The following SH3D19 variants were observed in gnomAD, a reference collection of about 807,000 sequenced individuals.
SH3D19 encodes the protein SH3 domain containing 19.
In SH3D19, 58 loss-of-function variants were observed where a neutral mutation model predicts 112.1. The ratio of observed to expected loss-of-function variants is 0.52; its 90% CI spans 0.42 to 0.64. SH3D19 has a LOEUF of 0.64. Ranked by LOEUF, SH3D19 falls within the 30% of genes least tolerant of loss-of-function variation. The probability of loss-of-function intolerance (pLI) is 0.00; values close to 1 mark genes in which losing one functional copy is unlikely to be tolerated. For synonymous variants in SH3D19, 391 were observed against 448.5 expected (o/e 0.87, Z 1.62); for missense variants, 1,090 against 1,263.4 (o/e 0.86, Z 2.08).
At chr4:151,256,694 G>GTTTTT (rs70941490) in intron 1 of SH3D19, among the ~76,000 whole-genome samples, 1 of 134,294 alleles carries the variant, frequency 7.4e-6, no homozygotes, top group Non-Finnish European at 1.6e-5. Flanking sequence ...TTGTTTTGTT[G>GTTTTT]TTTTTTTTTT....
chr4:151,229,199 A>G (rs183961980), intron 1 of SH3D19, among the ~76,000 whole-genome samples: 44 of 152,188 alleles, frequency 2.9e-4, no homozygotes, highest in African/African-American at 9.2e-4. Context: ...CTAATTTTCA[A>G]ATTAATTGGG....
intron 1 of SH3D19, among the ~76,000 whole-genome samples, chr4:151,288,575 C>T (rs1380743330): frequency 6.6e-6 from 1 of 151,782 alleles, no homozygotes; most frequent in Admixed American, 6.6e-5. Context: ...GGTGAAACCT[C>T]GTCTCTACTA....
chr4:151,204,764 C>T (rs1176261925), intron 2 of SH3D19, among the ~76,000 whole-genome samples: 1 of 152,194 alleles, frequency 6.6e-6, no homozygotes, highest in Non-Finnish European at 1.5e-5. Flanking sequence ...ATATTTTTAA[C>T]AATCATTATT....
intron 1 of SH3D19, among the ~76,000 whole-genome samples, chr4:151,261,794 T>C (rs1580350474): frequency 6.6e-6 from 1 of 152,206 alleles, no homozygotes; most frequent in Admixed American, 6.5e-5. Context: ...GTAATGAATT[T>C]AGAGATAGGA....
At chr4:151,291,269 G>A (rs1397611319) in intron 1 of SH3D19, 5 of 1,613,842 alleles carry the variant, frequency 3.1e-6, no homozygotes, top group East Asian at 2.2e-5. Flanking sequence ...ACTATTTCAA[G>A]AGCCAACAAT....
In SH3D19 at chr4:151,143,916, T is replaced by C. The variant is rs1357164473; in HGVS notation, c.2217A>G (p.Arg739=). 1.2e-6 allele frequency: 2 copies of C among 1,612,794 alleles called. No homozygotes were observed. Among genetic ancestry groups the C allele is most frequent in the Admixed American group, 1.7e-5 (1 of 59,688 alleles). Residue 739 remains arginine, a synonymous_variant, in exon 12 of 20, where the codon AGA becomes AGG. Coordinates refer to ENST00000604030, the MANE Select transcript of SH3D19 (RefSeq NM_001378122.1). ...ITPLDEHLRS[R]PNDPSHAQKP... Reference sequence around the variant, plus strand: ...AACAATATTAATTCCTTACGTTTGGTCTGCTTCTAAGATGTTCATCAAGTG... The same window carrying C: ...AACAATATTAATTCCTTACGTTTGGCCTGCTTCTAAGATGTTCATCAAGTG...
intron 2 of SH3D19, among the ~76,000 whole-genome samples, chr4:151,191,004 AC>A (rs1273479098): frequency 6.6e-6 from 1 of 152,174 alleles, no homozygotes; most frequent in Non-Finnish European, 1.5e-5. Context: ...GACCATGGGA[AC>A]CCACCTCTTG....
intron 1 of SH3D19, among the ~76,000 whole-genome samples, chr4:151,312,207 G>A (rs1239363874): frequency 6.6e-6 from 1 of 151,782 alleles, no homozygotes; most frequent in Non-Finnish European, 1.5e-5. Flanking sequence ...GAAAAAGGGG[G>A]AAAAAAGAAA....
At chr4:151,186,143 T>G (rs1761739801) in intron 3 of SH3D19, among the ~76,000 whole-genome samples, 1 of 152,192 alleles carries the variant, frequency 6.6e-6, no homozygotes, top group South Asian at 2.1e-4. Context: ...AATCCTATCT[T>G]TATCCTTTTC....
chr4:151,205,695 C>A (rs906258099), intron 2 of SH3D19, among the ~76,000 whole-genome samples: 3 of 152,164 alleles, frequency 2.0e-5, no homozygotes, highest in Non-Finnish European at 4.4e-5. Context: ...AGTAAGGGAG[C>A]TGGACTTGAT....
At chr4:151,220,940 G>A (rs1878796) in intron 2 of SH3D19, among the ~76,000 whole-genome samples, 125,198 of 152,172 alleles carry the variant, frequency 0.82, 53,348 homozygotes, top group Non-Finnish European at 0.95. Flanking sequence ...GTTTAAACTA[G>A]TAAGGTTGAG....
chr4:151,237,624 T>C (rs989416503), intron 1 of SH3D19, among the ~76,000 whole-genome samples: 1 of 152,146 alleles, frequency 6.6e-6, no homozygotes, highest in Admixed American at 6.5e-5. Context: ...TGGGGAATAA[T>C]AGCAATACTC....
chr4:151,162,230 A>C (rs1287697681), intron 8 of SH3D19, among the ~76,000 whole-genome samples: 1 of 149,224 alleles, frequency 6.7e-6, no homozygotes, highest in Non-Finnish European at 1.5e-5. Context: ...ACTCCCACTT[A>C]TGAGTGAGAA....
At chr4:151,248,821 A>T (rs1318653024) in intron 1 of SH3D19, among the ~76,000 whole-genome samples, 1 of 152,140 alleles carries the variant, frequency 6.6e-6, no homozygotes, top group African/African-American at 2.4e-5. Context: ...ACAAAACAAA[A>T]CAAAACAAAA....
intron 9 of SH3D19, among the ~76,000 whole-genome samples, chr4:151,150,184 C>CAAAAAAAAAA (rs759365990): frequency 4.2e-4 from 3 of 7,200 alleles, no homozygotes; most frequent in Non-Finnish European, 7.2e-4. Context: ...GACTCCATCT[C>CAAAAAAAAAA]AAAAAAAAAA....
At chr4:151,282,212 C>G in intron 1 of SH3D19, 1 of 1,613,826 alleles carries the variant, frequency 6.2e-7, no homozygotes, top group South Asian at 1.1e-5. Context: ...CTCAAGGAAA[C>G]GTGTGAAGTA....
intron 19 of SH3D19, among the ~76,000 whole-genome samples, chr4:151,122,629 G>A (rs1444648923): frequency 1.3e-5 from 2 of 151,994 alleles, no homozygotes; most frequent in African/African-American, 4.8e-5. Flanking sequence ...AAATAAACTG[G>A]CAGAAGAGGA....
chr4:151,223,920 G>GT (rs550847997), intron 2 of SH3D19, among the ~76,000 whole-genome samples: 53 of 152,172 alleles, frequency 3.5e-4, no homozygotes, highest in African/African-American at 1.1e-3. Flanking sequence ...GTTTTGTTTT[G>GT]TTTTTTAAGG....
chr4:151,206,275 T>C (rs1351308697), intron 2 of SH3D19, among the ~76,000 whole-genome samples: 1 of 152,214 alleles, frequency 6.6e-6, no homozygotes, highest in East Asian at 1.9e-4. Flanking sequence ...CTGTATTTTG[T>C]GTTGTTTCAG....
Sources: allele counts gnomAD v4.1 joint callset (sites outside exome capture counted in the v4.1 genomes callset), GRCh38; gene constraint gnomAD v4.1.1; transcripts MANE v1.5; gene names NCBI Gene and HGNC (gene_info 2026-07-23, HGNC 2026-07-21).